Variants in ARID1A observed in about 807,000 individuals in gnomAD.
ARID1A encodes AT-rich interaction domain 1A.
In ARID1A, 20 loss-of-function variants were observed where a neutral mutation model predicts 212.6. The observed-to-expected ratio is 0.09, with a 90% CI of 0.07 to 0.14. ARID1A has a LOEUF of 0.14. ARID1A is among the 10% of genes least tolerant of loss of function. ARID1A has a pLI of 1.00. For missense variants in ARID1A, 2,587 were observed against 3,059.0 expected (o/e 0.85, Z 3.64); for synonymous variants, 1,376 against 1,222.1 (o/e 1.13, Z -2.63).
intron 1 of ARID1A, among the ~76,000 whole-genome samples, chr1:26,715,184 GTTTA>G (rs746209785): frequency 3.9e-5 from 6 of 152,082 alleles, no homozygotes; most frequent in East Asian, 1.9e-4. Flanking sequence ...TATTTACTTT[GTTTA>G]TTTGTTTGTT....
chr1:26,775,326 G>C, intron 18 of ARID1A, 106 bp downstream of exon 18: 2 of 1,467,750 alleles, frequency 1.4e-6, no homozygotes, highest in South Asian at 1.4e-5. Flanking sequence ...GTCCAGTGTT[G>C]ACTAAAATAG....
intron 11 of ARID1A, chr1:26,769,471 A>G (rs893627651): frequency 6.6e-6 from 1 of 152,240 alleles, no homozygotes; most frequent in Non-Finnish European, 1.5e-5. Flanking sequence ...AGAGTGGCCA[A>G]TCCAGTAGAC....
intron 1 of ARID1A, among the ~76,000 whole-genome samples, chr1:26,710,490 T>TACACACAC (rs1291075615): frequency 9.4e-3 from 91 of 9,704 alleles, no homozygotes; most frequent in African/African-American, 0.023. Context: ...AATAAAATAA[T>TACACACAC]ACATACACAC....
rs533215003 is a variant in ARID1A, at chr1:26,755,887, G to A, written c.1921-4969G>A. Among the ~76,000 whole-genome samples, 56 of 151,932 alleles carry A rather than the reference G, an allele frequency of 3.7e-4. 1 individual carries two copies. In the South Asian group the frequency reaches 4.6e-3, roughly 12 times the overall value. On this transcript the variant is annotated intron_variant, in intron 4 of 19. Transcript: ENST00000324856. Reference sequence around the variant, plus strand: ...GCCTCCCGAGTAACTGGGACTGCAGGCACCTGCCACCACACCTGGCTATTT... The same window carrying A: ...GCCTCCCGAGTAACTGGGACTGCAGACACCTGCCACCACACCTGGCTATTT...
intron 1 of ARID1A, among the ~76,000 whole-genome samples, chr1:26,702,382 A>C (rs557577560): frequency 6.6e-6 from 1 of 152,240 alleles, no homozygotes; most frequent in South Asian, 2.1e-4. Context: ...TAGAAGTGTA[A>C]TTTAGGTATA....
At position 26,771,263 on chromosome 1, in the gene ARID1A, C is replaced by T. The variant is rs1178831269; in HGVS notation, c.3343C>T (p.Pro1115Ser). ...GATTGAACGGGGAGAAGACCCTCCC[C>T]CAGACATCTTTGCAGCTGCTGATTC... is the stretch of plus-strand genomic sequence containing the variant. Reference protein sequence around the residue: ...CKIERGEDPPPDIFAAADSKK... With the variant: ...CKIERGEDPPSDIFAAADSKK... The change falls in exon 12 of 20, where the codon CCA (proline) becomes TCA (serine). Residue 1115 changes from proline (P) to serine (S), a missense_variant. Transcript: ENST00000324856. This position sits in a 1 kb window ranked among gnomAD's most constrained non-coding sequence, Gnocchi z 5.4. 6.2e-7 allele frequency: 1 copy of T among 1,614,202 alleles called. No homozygotes were observed. Among genetic ancestry groups the T allele is most frequent in the Non-Finnish European group, 8.5e-7 (1 of 1,180,034 alleles).
At position 26,739,989 on chromosome 1, in the gene ARID1A, TA is replaced by T. The variant is rs576941187; in HGVS notation, c.1920+7212del. On this transcript the variant is annotated intron_variant, in intron 4 of 19. Coordinates refer to ENST00000324856, the MANE Select transcript of ARID1A (RefSeq NM_006015.6). Reference sequence around the variant, plus strand: ...AGCATAATCACCAGAGTGATCATCTTAAAAAAAAAAAAAAAGAAAAAAAAAA... The same window carrying T: ...AGCATAATCACCAGAGTGATCATCTTAAAAAAAAAAAAAAGAAAAAAAAAA... Among the ~76,000 whole-genome samples the T allele has an allele frequency of 2.7e-3, 347 of 127,334 alleles. 1 individual carries two copies. The highest frequency in any genetic ancestry group is 4.0e-3 in the Middle Eastern group (1 of 250). The allele number at this position is 127,334 out of a possible 152,430, so 83.5% of individuals were successfully genotyped here.
chr1:26,697,091 G>C lies in ARID1A; in HGVS notation c.688G>C (p.Ala230Pro), dbSNP rs773867924. The change falls in exon 1 of 20, where the codon GCG becomes CCG. Residue 230 changes from alanine (A) to proline (P), a missense_variant. Coordinates refer to ENST00000324856, the MANE Select transcript of ARID1A (RefSeq NM_006015.6). The stretch of plus-strand genomic sequence containing the variant: ...CTACCCCCCGCCCGCCCCGGCCTAC[G>C]CGCTGAGCTCCCCGAGAGGTGGCAC... Reference protein sequence around the residue: ...SAYPPPAPAYALSSPRGGTPG... With the variant: ...SAYPPPAPAYPLSSPRGGTPG... 11 of 1,477,426 alleles carry C rather than the reference G, an allele frequency of 7.4e-6. No homozygotes were observed. The highest frequency in any genetic ancestry group is 5.3e-5 in the Admixed American group (2 of 37,800). The allele number at this position is 1,477,426 out of a possible 1,614,324, so 91.5% of individuals were successfully genotyped here.
chr1:26,732,625 G>C (rs375202729), intron 3 of ARID1A, 51 bp from the exon 4 acceptor site: 2 of 1,432,852 alleles, frequency 1.4e-6, no homozygotes, highest in Non-Finnish European at 9.8e-7. Flanking sequence ...AAGTAAGCCT[G>C]CCTGGTTTAT....
chr1:26,728,374 G>A (rs775039854), intron 1 of ARID1A, among the ~76,000 whole-genome samples: 115 of 152,164 alleles, frequency 7.6e-4, no homozygotes, highest in African/African-American at 2.6e-3. Flanking sequence ...AAACAAACAC[G>A]TACAGAGAAC....
At chr1:26,729,966 G>GTCTACATTCCTGTC in intron 2 of ARID1A, 103 bp downstream of exon 2, 4 of 1,373,092 alleles carry the variant, frequency 2.9e-6, no homozygotes, top group Non-Finnish European at 4.0e-6. Context: ...CTCTTGACAG[G>GTCTACATTCCTGTC]AATGTAGACC....
rs1191315731 is a variant in ARID1A at position 26,759,100 on chromosome 1, TC to T, written c.1921-1753del. Among the ~76,000 whole-genome samples, 3 of 152,292 alleles carry T rather than the reference TC, an allele frequency of 2.0e-5. No individual in the cohort carries two copies. In the East Asian group the frequency reaches 5.8e-4, roughly 29 times the overall value. The stretch of plus-strand genomic sequence containing the variant: ...GTCAAAGTCACTTTCAGCCGATCTT[TC>T]CCGGGTGAGCTTGTTTGTGTGAGCA... On this transcript the variant is annotated intron_variant, in intron 4 of 19. Coordinates refer to ENST00000324856, the MANE Select transcript of ARID1A (RefSeq NM_006015.6).
intron 4 of ARID1A, among the ~76,000 whole-genome samples, chr1:26,746,575 G>A (rs774719771): frequency 6.6e-6 from 1 of 152,164 alleles, no homozygotes; most frequent in Non-Finnish European, 1.5e-5. Context: ...GGCCCAGAGG[G>A]GAGGACCTGT....
intron 4 of ARID1A, among the ~76,000 whole-genome samples, chr1:26,735,601 G>A (rs1410888087): frequency 6.6e-6 from 1 of 152,050 alleles, no homozygotes; most frequent in Non-Finnish European, 1.5e-5. Context: ...CTGAAATCCA[G>A]AATCTTTAAT....
chr1:26,704,824 A>C (rs375845149), intron 1 of ARID1A, among the ~76,000 whole-genome samples: 1 of 151,164 alleles, frequency 6.6e-6, no homozygotes, highest in Non-Finnish European at 1.5e-5. Flanking sequence ...ACGCCAGTGC[A>C]CTCCAGCCTG....
At chr1:26,726,416 C>G (rs1219929509) in intron 1 of ARID1A, among the ~76,000 whole-genome samples, 1 of 151,972 alleles carries the variant, frequency 6.6e-6, no homozygotes, top group Admixed American at 6.6e-5. Context: ...CTCAAGTGAT[C>G]CACCTGCCTT....
intron 1 of ARID1A, among the ~76,000 whole-genome samples, chr1:26,708,784 T>A (rs932808270): frequency 2.0e-5 from 3 of 151,668 alleles, no homozygotes; most frequent in African/African-American, 4.9e-5. Context: ...AAGCTCCGTC[T>A]CCTGGGTTCA....
At chr1:26,706,482 T>C (rs574381404) in intron 1 of ARID1A, among the ~76,000 whole-genome samples, 10 of 152,334 alleles carry the variant, frequency 6.6e-5, no homozygotes, top group Non-Finnish European at 1.3e-4. Context: ...TGCTCATGTT[T>C]TCTTTGAGGT....
rs2081121104 is a variant in ARID1A, at chr1:26,775,030, T to C, written c.4803T>C (p.Pro1601=). Residue 1601 remains proline (P), a synonymous_variant, in exon 18 of 20, where the codon CCT becomes CCC. Coordinates refer to ENST00000324856, the MANE Select transcript of ARID1A (RefSeq NM_006015.6). ...LPRPMENRTS[P]SKSPFLHSGM... Reference sequence around the variant, plus strand: ...GGCCAATGGAGAACCGCACCTCTCCTAGCAAGTCTCCATTCCTGCACTCTG... The same window carrying C: ...GGCCAATGGAGAACCGCACCTCTCCCAGCAAGTCTCCATTCCTGCACTCTG... The C allele has an allele frequency of 6.2e-7, 1 of 1,607,048 alleles. No homozygotes were observed. The highest frequency in any genetic ancestry group is 1.4e-5 in the African/African-American group (1 of 73,908).
Sources: allele counts gnomAD v4.1 joint callset (sites outside exome capture counted in the v4.1 genomes callset), GRCh38; gene constraint gnomAD v4.1.1; non-coding constraint Gnocchi (gnomAD v3.1); transcripts MANE v1.5; gene names NCBI Gene and HGNC (gene_info 2026-07-23, HGNC 2026-07-21).